SVOP: variants seen among roughly 807,000 people sequenced by gnomAD.
The protein encoded by SVOP is SV2 related protein, also known as synaptic vesicle 2-related protein.
A neutral mutation model predicts 69.1 loss-of-function variants in SVOP; 17 were observed. The observed-to-expected ratio is 0.25, with a 90% CI of 0.17 to 0.37. The LOEUF (loss-of-function observed/expected upper bound fraction) is 0.37, where lower values mean the gene tolerates loss of function less well. SVOP is among the 10% of genes least tolerant of loss of function. SVOP has a pLI of 1.00. For synonymous variants in SVOP, 238 were observed against 238.6 expected, an observed-to-expected ratio of 1.00 and a Z score of 0.02; for missense variants, 435 against 597.5, an observed-to-expected ratio of 0.73 and a Z score of 2.84.
intron 1 of SVOP, among the ~76,000 whole-genome samples, chr12:108,985,544 T>C (rs2137440016): frequency 6.6e-6 from 1 of 152,084 alleles, no homozygotes. Context: ...TGGTGGCATG[T>C]GCCTGTGGTC....
intron 1 of SVOP, among the ~76,000 whole-genome samples, chr12:108,985,402 T>A (rs1021907543): frequency 0.015 from 2,298 of 152,218 alleles, 27 homozygotes; most frequent in Middle Eastern, 0.065. Flanking sequence ...CTGGGCATGG[T>A]CACTCACGCC....
Position 108,912,302 on chromosome 12 carries a change from G to A in SVOP, c.*233C>T. On this transcript the variant is annotated 3_prime_UTR_variant, in exon 16 of 16. Transcript: ENST00000610966. ...CTTCCCATGTAGATCCACAGGTTAT[G>A]AACAAAGCTTTCACCACATATACAG... 7.1e-7 allele frequency: 1 copy of A among 1,411,944 alleles called. No homozygotes were observed. Among genetic ancestry groups the A allele is most frequent in the Non-Finnish European group, 9.2e-7 (1 of 1,085,980 alleles). 87.5% of individuals were successfully genotyped at this position (1,411,944 alleles called of 1,614,324 possible).
At chr12:108,948,301 C>T (rs1041141031) in intron 6 of SVOP, among the ~76,000 whole-genome samples, 4 of 152,230 alleles carry the variant, frequency 2.6e-5, no homozygotes, top group African/African-American at 7.2e-5. Context: ...AGAGGAATCT[C>T]TGCCCCCAGT....
chr12:108,979,999 C>T (rs1566061851), intron 2 of SVOP, among the ~76,000 whole-genome samples: 2 of 152,012 alleles, frequency 1.3e-5, no homozygotes, highest in Admixed American at 1.3e-4. Flanking sequence ...TAGTGAGTCC[C>T]CATCTCTACT....
intron 4 of SVOP, among the ~76,000 whole-genome samples, chr12:108,976,034 GA>G (rs1422912293): frequency 1.3e-5 from 2 of 152,080 alleles, no homozygotes; most frequent in Non-Finnish European, 2.9e-5. Flanking sequence ...TGGTAAGAAG[GA>G]GGAATATAAA....
chr12:108,998,050 T>C (rs2040246821), intron 1 of SVOP, among the ~76,000 whole-genome samples: 1 of 151,026 alleles, frequency 6.6e-6, no homozygotes, highest in Admixed American at 6.6e-5. Context: ...GGCAAAGAAG[T>C]TGAAAACTTT....
intron 3 of SVOP, 97 bp downstream of exon 3, chr12:108,978,481 G>A: frequency 1.6e-6 from 1 of 616,754 alleles, no homozygotes; most frequent in South Asian, 1.9e-5. Context: ...GGCTCCATGT[G>A]CAAAGAACTG....
At position 108,912,715 on chromosome 12, in the gene SVOP, C is replaced by CG; in HGVS notation, c.1466_1467insC (p.Thr490AspfsTer22). On this transcript the variant is annotated frameshift_variant, in exon 16 of 16. Coordinates refer to ENST00000610966, the MANE Select transcript of SVOP (RefSeq NM_018711.5). LOFTEE classifies it high-confidence loss of function. The stretch of plus-strand genomic sequence containing the variant: ...AGCAGCCACTGTAAACTGCCAGAGT[C>CG]AGGTACACAGAGGATTCCAGCATCA... The CG allele has an allele frequency of 6.2e-7, 1 of 1,613,912 alleles. No homozygotes were observed. The highest frequency in any genetic ancestry group is 8.5e-7 in the Non-Finnish European group (1 of 1,179,886).
chr12:108,935,437 G>A (rs934645248), intron 10 of SVOP, among the ~76,000 whole-genome samples: 10 of 152,250 alleles, frequency 6.6e-5, no homozygotes, highest in East Asian at 1.9e-4. Flanking sequence ...TTCAAGGAGC[G>A]TTGGCCCAAC....
chr12:108,996,907 G>A (rs75707965), intron 1 of SVOP, among the ~76,000 whole-genome samples: 1,950 of 152,282 alleles, frequency 0.013, 19 homozygotes, highest in South Asian at 0.035. Context: ...ACTCCAGCCT[G>A]GGTGACAGAA....
intron 6 of SVOP, among the ~76,000 whole-genome samples, chr12:108,958,869 A>C (rs2040000828): frequency 1.3e-5 from 2 of 151,724 alleles, no homozygotes; most frequent in South Asian, 2.1e-4. Flanking sequence ...CTGAAGGGCC[A>C]CCTCTGCTTC....
Position 108,912,614 on chromosome 12 carries a change from C to T in SVOP, c.1568G>A (p.Arg523Gln), listed in dbSNP as rs749864029. Residue 523 changes from arginine to glutamine, a missense_variant, in exon 16 of 16, where the codon CGG becomes CAG. Physicochemically the swap from Arg to Gln is conservative, Grantham distance 43. Coordinates refer to ENST00000610966, the MANE Select transcript of SVOP (RefSeq NM_018711.5). ...GCCGACCATCTCCTGGCCCCACTCC[C>T]GGTGGCTGGACTCCTGCAGTCCTCG... Reference protein sequence around the residue: ...KGRGLQESSHREWGQEMVGRG... With the variant: ...KGRGLQESSHQEWGQEMVGRG... 1.7e-5 allele frequency: 27 copies of T among 1,613,958 alleles called. No homozygotes were observed. In the African/African-American group the frequency reaches 2.0e-4, roughly 12 times the overall value.
chr12:108,997,522 A>C (rs935325812), intron 1 of SVOP, among the ~76,000 whole-genome samples: 2 of 152,046 alleles, frequency 1.3e-5, no homozygotes, highest in Non-Finnish European at 2.9e-5. Context: ...ACAGACAAAC[A>C]AAAAGACAGC....
At chr12:108,923,278 T>A (rs2039761117) in intron 11 of SVOP, among the ~76,000 whole-genome samples, 1 of 152,162 alleles carries the variant, frequency 6.6e-6, no homozygotes, top group Non-Finnish European at 1.5e-5. Context: ...GAAATGCCCA[T>A]TGTGCAGGAC....
At chr12:108,924,852 G>A (rs2039770792) in intron 11 of SVOP, among the ~76,000 whole-genome samples, 1 of 152,132 alleles carries the variant, frequency 6.6e-6, no homozygotes, top group Admixed American at 6.5e-5. Context: ...GGAAAATGCT[G>A]ACCACCATTG....
intron 7 of SVOP, among the ~76,000 whole-genome samples, chr12:108,943,214 T>C (rs1379851988): frequency 6.6e-6 from 1 of 152,098 alleles, no homozygotes; most frequent in African/African-American, 2.4e-5. Flanking sequence ...AGTCCCCTTT[T>C]GCTTAAGTGA....
At chr12:108,994,688 C>A (rs1430376892) in intron 1 of SVOP, among the ~76,000 whole-genome samples, 1 of 152,214 alleles carries the variant, frequency 6.6e-6, no homozygotes, top group Non-Finnish European at 1.5e-5. Flanking sequence ...CACGCTTTGG[C>A]AAAGCCATCT....
chr12:108,920,594 CTT>C (rs71079507), intron 12 of SVOP, among the ~76,000 whole-genome samples: 30 of 121,248 alleles, frequency 2.5e-4, no homozygotes, highest in Non-Finnish European at 2.7e-4. Context: ...ATTTTTACAT[CTT>C]TTTTTTTTTT....
chr12:108,960,687 T>C (rs1180534045), intron 6 of SVOP, among the ~76,000 whole-genome samples: 1 of 152,180 alleles, frequency 6.6e-6, no homozygotes, highest in Admixed American at 6.5e-5. Context: ...TGCATTATCA[T>C]TTCGCTTTTA....
Sources: gnomAD v4.1 joint callset for allele counts (sites outside exome capture counted in the v4.1 genomes callset) on GRCh38, gnomAD v4.1.1 for gene constraint, MANE v1.5 for transcripts, NCBI Gene and HGNC (gene_info 2026-07-23, HGNC 2026-07-21) for gene names.